Variants in AARS1 observed in about 807,000 individuals in gnomAD.
AARS1 encodes alanyl-tRNA synthetase 1.
AARS1 carries 72 observed loss-of-function variants against 108.9 expected under a neutral mutation model. The ratio of observed to expected loss-of-function variants is 0.66; its 90% CI spans 0.55 to 0.80. The LOEUF is 0.80. Ranked by LOEUF, AARS1 falls within the 30% of genes least tolerant of loss-of-function variation. The pLI is 0.00. For synonymous variants in AARS1, 489 were observed against 465.7 expected, an observed-to-expected ratio of 1.05 and a Z score of -0.64; for missense variants, 1,193 against 1,233.2, an observed-to-expected ratio of 0.97 and a Z score of 0.49.
At chr16:70,276,163 C>T (rs1044328808) in intron 4 of AARS1, 5 of 172,534 alleles carry the variant, frequency 2.9e-5, no homozygotes, top group East Asian at 1.7e-4. Flanking sequence ...TGCAGTGAGC[C>T]GAGGTCGTGC....
At chr16:70,254,890 G>C (rs1294080895) in intron 16 of AARS1, among the ~76,000 whole-genome samples, 156 bp from the exon 17 acceptor site, 1 of 152,190 alleles carries the variant, frequency 6.6e-6, no homozygotes, top group African/African-American at 2.4e-5. Flanking sequence ...GGCAGCCCCA[G>C]GCCCCAGCAA....
chr16:70,261,501 G>A (rs1335803615), intron 12 of AARS1: 1 of 281,536 alleles, frequency 3.6e-6, no homozygotes, highest in South Asian at 3.5e-5. Context: ...AGGAGGCAGA[G>A]GCAGGAGAAT....
At chr16:70,274,435 G>C (rs1284751393) in intron 4 of AARS1, among the ~76,000 whole-genome samples, 3 of 151,192 alleles carry the variant, frequency 2.0e-5, no homozygotes, top group African/African-American at 7.3e-5. Context: ...TGTTGAAAAA[G>C]ACAGACATGG....
chr16:70,261,074 C>T lies in AARS1; in HGVS notation c.1755G>A (p.Val585=), dbSNP rs968222534. Reference sequence around the variant, plus strand: ...CAATAAACAGCCAGACCTGATCCCCCACTTTCAGGTCACCGTAGATGGTTC... The same window carrying T: ...CAATAAACAGCCAGACCTGATCCCCTACTTTCAGGTCACCGTAGATGGTTC... ...HIGTIYGDLK[V]GDQVWLFIDE... is the part of the protein sequence containing the mutation. Residue 585 remains valine, a synonymous_variant, in exon 13 of 21, where the codon GTG becomes GTA. Transcript: ENST00000261772. 2 of 1,613,654 alleles carry T rather than the reference C, an allele frequency of 1.2e-6. No individual in the cohort carries two copies. Among genetic ancestry groups the T allele is most frequent in the Non-Finnish European group, 8.5e-7 (1 of 1,179,796 alleles).
At chr16:70,269,322 G>GAAAAAAAAAAAA (rs56394253) in intron 7 of AARS1, among the ~76,000 whole-genome samples, 20 of 64,264 alleles carry the variant, frequency 3.1e-4, no homozygotes, top group African/African-American at 1.2e-3. Context: ...TTCTGTCTCA[G>GAAAAAAAAAAAA]AAAAAAAAAA....
At chr16:70,258,927 G>C (rs1488259435) in intron 14 of AARS1, 53 bp downstream of exon 14, 1 of 1,558,748 alleles carries the variant, frequency 6.4e-7, no homozygotes, top group Non-Finnish European at 8.8e-7. Context: ...TAAGACTGTG[G>C]ACAGACAGTG....
chr16:70,266,581 G>C (rs1473490469), intron 9 of AARS1, among the ~76,000 whole-genome samples: 2 of 151,728 alleles, frequency 1.3e-5, no homozygotes, highest in Non-Finnish European at 2.9e-5. Context: ...GAGTGTACTG[G>C]TGTGATCTCG....
intron 11 of AARS1, 21 bp downstream of exon 11, chr16:70,264,937 G>C (rs780119627): frequency 6.2e-7 from 1 of 1,613,998 alleles, no homozygotes; most frequent in Admixed American, 1.7e-5. Context: ...GCTCAGATGT[G>C]GAAGGAGCAC....
chr16:70,265,389 A>G, intron 10 of AARS1, 149 bp downstream of exon 10: 2 of 1,260,226 alleles, frequency 1.6e-6, no homozygotes, highest in Non-Finnish European at 2.3e-6. Context: ...ACTCCCTGGA[A>G]GGCAGACTCG....
chr16:70,264,193 C>T (rs1960211070), intron 11 of AARS1, among the ~76,000 whole-genome samples: 1 of 150,404 alleles, frequency 6.6e-6, no homozygotes, highest in Admixed American at 6.6e-5. Flanking sequence ...TTGCAGTGAG[C>T]CGAGATCACA....
rs143198392 is a variant in AARS1, at chr16:70,288,773, G to T, written c.-22+648C>A. Among the ~76,000 whole-genome samples, 508 of 151,358 alleles carry T rather than the reference G, an allele frequency of 3.4e-3. 2 individuals are homozygous for T. Among genetic ancestry groups the T allele is most frequent in the African/African-American group, 0.011 (450 of 41,234 alleles). On this transcript the variant is annotated intron_variant, in intron 1 of 20. Coordinates refer to ENST00000261772, the MANE Select transcript of AARS1 (RefSeq NM_001605.3). ...GTAAAGACGGGGTTTCACCATGTTG[G>T]CCAGGCTAGTCTCGAACCCCTGACC...
intron 1 of AARS1, among the ~76,000 whole-genome samples, chr16:70,284,916 T>G (rs1960802314): frequency 6.6e-6 from 1 of 152,162 alleles, no homozygotes; most frequent in Admixed American, 6.6e-5. Flanking sequence ...CTATACTGTA[T>G]TTGGAAGCAA....
intron 5 of AARS1, 42 bp downstream of exon 5, chr16:70,271,739 G>A: frequency 1.3e-6 from 2 of 1,596,822 alleles, no homozygotes; most frequent in Non-Finnish European, 1.7e-6. Context: ...CTCCTCCCCT[G>A]CTCAGCTCAA....
rs763252550 is a variant in AARS1 at position 70,259,036 on chromosome 16, T to C, written c.1936A>G (p.Thr646Ala). The change falls in exon 14 of 21, where the codon ACC (threonine) becomes GCC (alanine). Residue 646 changes from threonine to alanine, a missense_variant. Coordinates refer to ENST00000261772, the MANE Select transcript of AARS1 (RefSeq NM_001605.3). ...FDFTAKGAMS[T>A]QQIKKAEEIA... ...TCTTCAGCCTTCTTGATCTGTTGGG[T>C]GGACATGGCTCCCTTGGCAGTAAAG... is the stretch of plus-strand genomic sequence containing the variant. 8.1e-6 allele frequency: 13 copies of C among 1,614,194 alleles called. No homozygotes were observed. The highest frequency in any genetic ancestry group is 1.6e-4 in the Middle Eastern group (1 of 6,062).
chr16:70,276,523 C>T lies in AARS1; in HGVS notation c.442G>A (p.Ala148Thr), dbSNP rs1960555126. ...FGGDEAAGLE[A>T]DLECKQIWQN... is the part of the protein sequence containing the mutation. ...CAGATCTGTTTGCATTCCAGATCTG[C>T]TTCTAAGCCAGCTGCTTCATCCCCG... The change falls in exon 4 of 21, where the codon GCA becomes ACA. Residue 148 changes from alanine to threonine, a missense_variant. By Grantham distance (58) the Ala-to-Thr change is moderately conservative. Coordinates refer to ENST00000261772, the MANE Select transcript of AARS1 (RefSeq NM_001605.3). 6.2e-7 allele frequency: 1 copy of T among 1,614,014 alleles called. No homozygotes were observed. Among genetic ancestry groups the T allele is most frequent in the Admixed American group, 1.7e-5 (1 of 59,982 alleles).
At chr16:70,272,068 G>A in intron 4 of AARS1, 96 bp from the exon 5 acceptor site, 1 of 1,156,014 alleles carries the variant, frequency 8.7e-7, no homozygotes, top group South Asian at 1.2e-5. Flanking sequence ...GGATTGGCCG[G>A]GCACAGTGGC....
Position 70,282,825 on chromosome 16 carries a change from G to C in AARS1, c.-21-41C>G. 3.1e-6 allele frequency: 5 copies of C among 1,588,554 alleles called. No individual in the cohort carries two copies. In the South Asian group the frequency reaches 4.4e-5, roughly 14 times the overall value. ...AAAATGAAGGAAAATTAAGGGAATT[G>C]AAAGTCAAAGTACACATTACACAAG... On this transcript the variant is annotated intron_variant, in intron 1 of 20. Coordinates refer to ENST00000261772, the MANE Select transcript of AARS1 (RefSeq NM_001605.3).
chr16:70,272,062 T>A, intron 4 of AARS1, 90 bp from the exon 5 acceptor site: 1 of 1,285,548 alleles, frequency 7.8e-7, no homozygotes, highest in African/African-American at 1.5e-5. Flanking sequence ...TTCTTAGGAT[T>A]GGCCGGGCAC....
At chr16:70,283,377 CAG>C (rs909231702) in intron 1 of AARS1, among the ~76,000 whole-genome samples, 29 of 146,080 alleles carry the variant, frequency 2.0e-4, no homozygotes, top group Middle Eastern at 3.5e-3. Flanking sequence ...AGCCTGGCGA[CAG>C]AGAGAGACTC....
Sources: allele counts gnomAD v4.1 joint callset (sites outside exome capture counted in the v4.1 genomes callset), GRCh38; gene constraint gnomAD v4.1.1; transcripts MANE v1.5; gene names NCBI Gene and HGNC (gene_info 2026-07-23, HGNC 2026-07-21).